RSL1D1: variants seen among roughly 807,000 people sequenced by gnomAD.
The protein encoded by RSL1D1 is ribosomal L1 domain containing 1.
A neutral mutation model predicts 44.6 loss-of-function variants in RSL1D1; 34 were observed. That is an observed-to-expected ratio of 0.76 (90% confidence interval 0.58 to 1.02). The LOEUF (loss-of-function observed/expected upper bound fraction) is 1.02. Among genes scored for constraint, RSL1D1 ranks in the 50% least tolerant of loss-of-function variants. The pLI is 0.00. For synonymous variants in RSL1D1, 271 were observed against 207.4 expected (o/e 1.31, Z -2.63); for missense variants, 767 against 568.1 (o/e 1.35, Z -3.56).
In RSL1D1 at chr16:11,837,953, T is replaced by G; in HGVS notation, c.1307A>C (p.Glu436Ala). The G allele has an allele frequency of 6.2e-7, 1 of 1,614,074 alleles. No homozygotes were observed. The highest frequency in any genetic ancestry group is 8.5e-7 in the Non-Finnish European group (1 of 1,180,016). ...KSPEKKPKIK[E>A]EAVKEKSPSL... ...AGGACTTTTTTCCTTCACTGCCTCT[T>G]CTTTGATTTTTGGCTTCTTCTCTGG... The change falls in exon 9 of 9, where the codon GAA (glutamate) becomes GCA (alanine). Residue 436 changes from glutamate (E) to alanine (A), a missense_variant. Transcript: ENST00000571133.
At chr16:11,842,328 C>T (rs2053768886) in intron 5 of RSL1D1, among the ~76,000 whole-genome samples, 3 of 150,184 alleles carry the variant, frequency 2.0e-5, no homozygotes, top group African/African-American at 7.4e-5. Flanking sequence ...AAAACACAGT[C>T]TGAAAAAAAA....
rs1351691544 is a variant in RSL1D1 at position 11,847,816 on chromosome 16, A to T, written c.246-10T>A. The T allele has an allele frequency of 6.2e-7, 1 of 1,611,150 alleles. No homozygotes were observed. The highest frequency in any genetic ancestry group is 1.7e-5 in the Admixed American group (1 of 59,296). Reference sequence around the variant, plus strand: ...ACTATGAGGCAAGGTCCTACAAAATACGTGAAAAGAAACCGAGGAAAGCAT... The same window carrying T: ...ACTATGAGGCAAGGTCCTACAAAATTCGTGAAAAGAAACCGAGGAAAGCAT... On this transcript the variant is annotated splice_polypyrimidine_tract_variant and intron_variant, in intron 2 of 8. Coordinates refer to ENST00000571133, the MANE Select transcript of RSL1D1 (RefSeq NM_015659.3).
At chr16:11,840,281 C>T (rs1182362524) in intron 7 of RSL1D1, among the ~76,000 whole-genome samples, 1 of 152,134 alleles carries the variant, frequency 6.6e-6, no homozygotes, top group African/African-American at 2.4e-5. Flanking sequence ...AAGAATAATA[C>T]TCAGCTGGGC....
Position 11,838,128 on chromosome 16 carries a change from A to C in RSL1D1, c.1147-15T>G. 1.9e-6 allele frequency: 3 copies of C among 1,551,830 alleles called. No individual in the cohort carries two copies. Among genetic ancestry groups the C allele is most frequent in the Non-Finnish European group, 2.6e-6 (3 of 1,154,164 alleles). ...TGTTTTTGAATCTAAGAAAAAAAAA[A>C]GTAAGTTTAATATAGAAAAAGCCAC... On this transcript the variant is annotated splice_polypyrimidine_tract_variant and intron_variant, in intron 8 of 8. Coordinates refer to ENST00000571133, the MANE Select transcript of RSL1D1 (RefSeq NM_015659.3).
rs1379877063 is a variant in RSL1D1 at position 11,834,402 on chromosome 16, A to G, written c.*3385T>C. 2 of 152,264 alleles carry G rather than the reference A, an allele frequency of 1.3e-5. No individual in the cohort carries two copies. The highest frequency in any genetic ancestry group is 2.9e-5 in the Non-Finnish European group (2 of 68,046). 9.4% of individuals were successfully genotyped at this position (152,264 alleles called of 1,614,324 possible). ...GAAGCCAGCTTTTTCAACAGAGAAC[A>G]TTATTAGAATGAAACTAGATGCAAG... On this transcript the variant is annotated 3_prime_UTR_variant, in exon 9 of 9. Transcript: ENST00000571133.
At chr16:11,840,457 T>G (rs2053757333) in intron 7 of RSL1D1, among the ~76,000 whole-genome samples, 1 of 152,092 alleles carries the variant, frequency 6.6e-6, no homozygotes, top group Non-Finnish European at 1.5e-5. Context: ...TTCCAACTAC[T>G]CAGGAGGGTG....
chr16:11,849,294 G>A (rs1017006075), intron 2 of RSL1D1: 1 of 151,628 alleles, frequency 6.6e-6, no homozygotes, highest in African/African-American at 2.4e-5. Flanking sequence ...GAGGTGGGAG[G>A]ATCACTTGAG....
At chr16:11,850,015 C>A (rs1596443520) in intron 2 of RSL1D1, among the ~76,000 whole-genome samples, 1 of 152,072 alleles carries the variant, frequency 6.6e-6, no homozygotes, top group Non-Finnish European at 1.5e-5. Context: ...TTTGGAGAGA[C>A]AGGGTTTTAC....
At position 11,841,992 on chromosome 16, in the gene RSL1D1, C is replaced by T. The variant is rs373615839; in HGVS notation, c.644G>A (p.Arg215His). 16 of 1,608,852 alleles carry T rather than the reference C, an allele frequency of 9.9e-6. No individual in the cohort carries two copies. Among genetic ancestry groups the T allele is most frequent in the South Asian group, 3.3e-5 (3 of 89,926 alleles). Residue 215 changes from arginine (R) to histidine (H), a missense_variant, in exon 6 of 9, where the codon CGT becomes CAT. Physicochemically the swap from Arg to His is conservative, Grantham distance 29. Coordinates refer to ENST00000571133, the MANE Select transcript of RSL1D1 (RefSeq NM_015659.3). ...ISKSGSCSAI[R>H]IGHVGMQIEH... ...AATTTGCATTCCAACGTGACCAATA[C>T]GTATAGCACTGAAATTTAATATAGT...
chr16:11,843,041 C>T (rs1440225104), intron 5 of RSL1D1, among the ~76,000 whole-genome samples: 1 of 151,708 alleles, frequency 6.6e-6, no homozygotes, highest in Non-Finnish European at 1.5e-5. Flanking sequence ...CCTGCCTCAG[C>T]CTCCCGAGTA....
intron 5 of RSL1D1, among the ~76,000 whole-genome samples, chr16:11,842,876 C>A (rs1372536504): frequency 2.0e-5 from 3 of 151,768 alleles, no homozygotes; most frequent in African/African-American, 7.3e-5. Flanking sequence ...CTGCCTCAGC[C>A]TCCCTAGTAG....
chr16:11,845,657 C>G (rs1008149413), intron 5 of RSL1D1, among the ~76,000 whole-genome samples: 2 of 152,068 alleles, frequency 1.3e-5, no homozygotes. Flanking sequence ...TGAGACAGCA[C>G]AGATGCAGGC....
Position 11,841,624 on chromosome 16 carries a change from C to G in RSL1D1, c.855+71G>C, listed in dbSNP as rs2053764278. The G allele has an allele frequency of 3.5e-6, 5 of 1,418,544 alleles. No individual in the cohort carries two copies. The Admixed American group carries it at 8.3e-5, about 23-fold the overall frequency. The allele number at this position is 1,418,544 out of a possible 1,614,324, so 87.9% of individuals were successfully genotyped here. A position where few individuals can be genotyped will look rare whatever the true frequency, so the allele number is the denominator to read the frequency against. Reference sequence around the variant, plus strand: ...TGAAAAGTCGGGCAGCGATGATGGTCTACTTCTCTCCTAGTGACTGAATTT... The same window carrying G: ...TGAAAAGTCGGGCAGCGATGATGGTGTACTTCTCTCCTAGTGACTGAATTT... On this transcript the variant is annotated intron_variant, in intron 7 of 8. Coordinates refer to ENST00000571133, the MANE Select transcript of RSL1D1 (RefSeq NM_015659.3).
At chr16:11,847,905 T>C (rs1261168746) in intron 2 of RSL1D1, 99 bp from the exon 3 acceptor site, 2 of 1,250,152 alleles carry the variant, frequency 1.6e-6, no homozygotes, top group African/African-American at 3.0e-5. Context: ...GTTATTTAAA[T>C]AACTTTTAGT....
chr16:11,847,427 C>A lies in RSL1D1; in HGVS notation c.384+241G>T. 5 of 411,970 alleles carry A rather than the reference C, an allele frequency of 1.2e-5. No individual in the cohort carries two copies. The South Asian group carries it at 1.2e-4, about 10-fold the overall frequency. 25.5% of individuals were successfully genotyped at this position (411,970 alleles called of 1,614,324 possible). On this transcript the variant is annotated intron_variant, in intron 3 of 8. Coordinates refer to ENST00000571133, the MANE Select transcript of RSL1D1 (RefSeq NM_015659.3). ...CAGAGGGTAATAAAGACAAGTACAC[C>A]AACTACAAAACAGCAAATCAGAGAA... is the stretch of plus-strand genomic sequence containing the variant.
rs1342236467 is a variant in RSL1D1 at position 11,839,890 on chromosome 16, A to G, written c.951T>C (p.Ser317=). 3 of 1,613,980 alleles carry G rather than the reference A, an allele frequency of 1.9e-6. No individual in the cohort carries two copies. The highest frequency in any genetic ancestry group is 2.5e-6 in the Non-Finnish European group (3 of 1,180,026). The part of the protein sequence containing the change: ...QQARKTASVL[S]KDDVAPESGD... Reference sequence around the variant, plus strand: ...CACTTTCAGGTGCCACATCATCTTTACTAAGAACTGATGCAGTCTTCCTAG... The same window carrying G: ...CACTTTCAGGTGCCACATCATCTTTGCTAAGAACTGATGCAGTCTTCCTAG... The change falls in exon 8 of 9, where the codon AGT becomes AGC. Residue 317 remains serine (S), a synonymous_variant. Coordinates refer to ENST00000571133, the MANE Select transcript of RSL1D1 (RefSeq NM_015659.3).
rs766024466 is a variant in RSL1D1, at chr16:11,851,484, G to A, written c.29C>T (p.Ser10Phe). 7 of 1,613,924 alleles carry A rather than the reference G, an allele frequency of 4.3e-6. No individual in the cohort carries two copies. Among genetic ancestry groups the A allele is most frequent in the South Asian group, 1.1e-5 (1 of 91,086 alleles). MEDSASASL[S>F]SAAATGTSTS... is the part of the protein sequence containing the mutation. ...GGAGGTTCCAGTAGCGGCTGCAGAA[G>A]ACAGCGAGGCCGAGGCCGAATCCTC... is the stretch of plus-strand genomic sequence containing the variant. Residue 10 changes from serine (S) to phenylalanine (F), a missense_variant, in exon 1 of 9, where the codon TCT becomes TTT. Transcript: ENST00000571133.
intron 8 of RSL1D1, among the ~76,000 whole-genome samples, chr16:11,838,423 A>G (rs944981603): frequency 1.1e-4 from 17 of 151,980 alleles, no homozygotes; most frequent in Non-Finnish European, 8.8e-5. Context: ...TCGGCCTCCC[A>G]AAGTGCTAGG....
At chr16:11,850,104 G>C (rs2053826623) in intron 2 of RSL1D1, among the ~76,000 whole-genome samples, 175 bp downstream of exon 2, 1 of 152,212 alleles carries the variant, frequency 6.6e-6, no homozygotes, top group Non-Finnish European at 1.5e-5. Flanking sequence ...TGGGATTACA[G>C]GTGTGAGCCA....
Sources: gnomAD v4.1 joint callset for allele counts (sites outside exome capture counted in the v4.1 genomes callset) on GRCh38, gnomAD v4.1.1 for gene constraint, MANE v1.5 for transcripts, NCBI Gene and HGNC (gene_info 2026-07-23, HGNC 2026-07-21) for gene names.